TENM3: variants seen among roughly 807,000 people sequenced by gnomAD.
The protein encoded by TENM3 is teneurin transmembrane protein 3.
TENM3 carries 63 observed loss-of-function variants against 255.1 expected under a neutral mutation model. The observed-to-expected ratio is 0.25, with a 90% CI of 0.20 to 0.30. TENM3 has a LOEUF of 0.30. Among genes scored for constraint, TENM3 ranks in the 10% least tolerant of loss-of-function variants. TENM3 has a pLI of 1.00. For synonymous variants in TENM3, 1,306 were observed against 1,322.3 expected (o/e 0.99, Z 0.27); for missense variants, 2,929 against 3,461.1 (o/e 0.85, Z 3.86).
At chr4:181,997,179 G>C in the TENM3 span, among the ~76,000 whole-genome samples, 1 of 152,108 alleles carries the variant, frequency 6.6e-6, no homozygotes, top group African/African-American at 2.4e-5. Flanking sequence ...AGACATCATG[G>C]ACTTTCTAAC....
At chr4:181,649,919 C>T in the TENM3 span, among the ~76,000 whole-genome samples, 81 of 152,164 alleles carry the variant, frequency 5.3e-4, no homozygotes, top group African/African-American at 1.2e-3. Context: ...AAGTTGTACC[C>T]GGAAGGAAGC....
intron 1 of TENM3, among the ~76,000 whole-genome samples, chr4:182,259,745 T>C (rs1758660867): frequency 6.8e-6 from 1 of 146,996 alleles, no homozygotes. Context: ...CTTAAATAGT[T>C]GTCTTTTCTT....
chr4:181,777,246 T>C, the TENM3 span, among the ~76,000 whole-genome samples: 2 of 152,280 alleles, frequency 1.3e-5, no homozygotes, highest in African/African-American at 4.8e-5. Context: ...CTCTGGATTC[T>C]CTATTCTGTT....
At chr4:182,231,573 C>T (rs533314868) in intron 1 of TENM3, among the ~76,000 whole-genome samples, 211 of 152,300 alleles carry the variant, frequency 1.4e-3, no homozygotes, top group African/African-American at 4.9e-3. Context: ...GAACCCTGGC[C>T]AGCAGTAGAA....
At chr4:182,508,476 AC>A (rs143212423) in intron 3 of TENM3, among the ~76,000 whole-genome samples, 1,867 of 152,320 alleles carry the variant, frequency 0.012, 38 homozygotes, top group African/African-American at 0.042. Context: ...AATAATTATC[AC>A]TATCATCATT....
At chr4:182,621,723 T>TA (rs1252446456) in intron 4 of TENM3, among the ~76,000 whole-genome samples, 964 of 13,686 alleles carry the variant, frequency 0.07, 48 homozygotes, top group Non-Finnish European at 0.16. Flanking sequence ...ATATATATTA[T>TA]ATATAAAATA....
At chr4:181,725,115 T>C in the TENM3 span, among the ~76,000 whole-genome samples, 13 of 152,306 alleles carry the variant, frequency 8.5e-5, no homozygotes, top group East Asian at 2.5e-3. Context: ...CAAGGCTGCT[T>C]CACTGCTTTC....
intron 3 of TENM3, among the ~76,000 whole-genome samples, chr4:182,369,078 T>C (rs1022560338): frequency 1.3e-5 from 2 of 152,216 alleles, no homozygotes; most frequent in African/African-American, 4.8e-5. Context: ...AAACAGCCAT[T>C]TGTAACAGTG....
the TENM3 span, among the ~76,000 whole-genome samples, chr4:181,749,306 G>T: frequency 1.3e-5 from 2 of 151,952 alleles, no homozygotes; most frequent in Non-Finnish European, 2.9e-5. Flanking sequence ...CTTGCAGAAA[G>T]AACTTGGCAA....
chr4:182,298,857 C>T (rs892613240), intron 1 of TENM3, among the ~76,000 whole-genome samples: 3 of 151,230 alleles, frequency 2.0e-5, no homozygotes, highest in African/African-American at 4.9e-5. Flanking sequence ...CCTGTAATCC[C>T]GGCTACTCGG....
At chr4:181,949,842 G>A in the TENM3 span, among the ~76,000 whole-genome samples, 1 of 151,990 alleles carries the variant, frequency 6.6e-6, no homozygotes, top group Non-Finnish European at 1.5e-5. Flanking sequence ...CTATGGTTGT[G>A]CCAAGTGACC....
chr4:181,481,499 C>T, the TENM3 span, among the ~76,000 whole-genome samples: 20 of 152,142 alleles, frequency 1.3e-4, no homozygotes, highest in Non-Finnish European at 2.6e-4. Flanking sequence ...GGAAGAGGCA[C>T]GGCCATTTGC....
At chr4:182,060,232 G>A in the TENM3 span, among the ~76,000 whole-genome samples, 1 of 152,140 alleles carries the variant, frequency 6.6e-6, no homozygotes, top group Admixed American at 6.6e-5. Context: ...GTGAGACTCT[G>A]TATCTAAAAG....
chr4:182,747,513 C>G (rs1262124410), intron 19 of TENM3, among the ~76,000 whole-genome samples: 2 of 152,162 alleles, frequency 1.3e-5, no homozygotes, highest in Non-Finnish European at 2.9e-5. Context: ...CAAACATTTC[C>G]TTCTCTGATG....
the TENM3 span, among the ~76,000 whole-genome samples, chr4:181,816,084 T>C: frequency 6.6e-6 from 1 of 152,206 alleles, no homozygotes; most frequent in African/African-American, 2.4e-5. Context: ...AACATTTTTG[T>C]TTCAAATTTC....
At chr4:181,561,930 A>C in the TENM3 span, among the ~76,000 whole-genome samples, 1 of 152,176 alleles carries the variant, frequency 6.6e-6, no homozygotes, top group Non-Finnish European at 1.5e-5. Context: ...GAATATACAC[A>C]TTCCCCTGGA....
chr4:182,784,307 C>A (rs867715198), intron 24 of TENM3, among the ~76,000 whole-genome samples: 1 of 151,836 alleles, frequency 6.6e-6, no homozygotes, highest in Non-Finnish European at 1.5e-5. Flanking sequence ...GTTGGAATAC[C>A]CTGCCGTGTG....
the TENM3 span, among the ~76,000 whole-genome samples, chr4:181,608,398 C>G: frequency 6.6e-6 from 1 of 152,064 alleles, no homozygotes; most frequent in Non-Finnish European, 1.5e-5. Context: ...GGAGGGGGTC[C>G]AAAGTTGCTT....
chr4:181,892,100 A>C, the TENM3 span, among the ~76,000 whole-genome samples: 1 of 152,220 alleles, frequency 6.6e-6, no homozygotes, highest in Non-Finnish European at 1.5e-5. Flanking sequence ...AAACTGTGAA[A>C]AATAAATTTC....
Sources: allele counts gnomAD v4.1 joint callset (sites outside exome capture counted in the v4.1 genomes callset), GRCh38; gene constraint gnomAD v4.1.1; transcripts MANE v1.5; gene names NCBI Gene and HGNC (gene_info 2026-07-23, HGNC 2026-07-21).